The following SLC23A2 variants were observed in gnomAD, a reference collection of about 807,000 sequenced individuals.
SLC23A2 encodes the protein Na(+)/L-ascorbic acid transporter 2.
In SLC23A2, 36 loss-of-function variants were observed where a neutral mutation model predicts 73.3. The observed-to-expected ratio is 0.49, with a 90% CI of 0.38 to 0.65. The LOEUF is 0.65. Ranked by LOEUF, SLC23A2 falls within the 30% of genes least tolerant of loss-of-function variation. SLC23A2 has a pLI of 0.00. For missense variants in SLC23A2, 507 were observed against 841.6 expected, an observed-to-expected ratio of 0.60 and a Z score of 4.92; for synonymous variants, 343 against 327.3, an observed-to-expected ratio of 1.05 and a Z score of -0.52.
chr20:4,938,307 TG>T (rs1450924006), intron 2 of SLC23A2, among the ~76,000 whole-genome samples: 1 of 150,578 alleles, frequency 6.6e-6, no homozygotes, highest in Non-Finnish European at 1.5e-5. Context: ...CATGAGCCAC[TG>T]CACCTGTAAT....
At chr20:4,937,455 C>T (rs2086977625) in intron 2 of SLC23A2, among the ~76,000 whole-genome samples, 1 of 152,136 alleles carries the variant, frequency 6.6e-6, no homozygotes, top group African/African-American at 2.4e-5. Flanking sequence ...ATGATGGCGA[C>T]AATGGCAGTA....
At chr20:4,931,068 G>GAAAAA (rs758041566) in intron 3 of SLC23A2, among the ~76,000 whole-genome samples, 13 of 75,058 alleles carry the variant, frequency 1.7e-4, no homozygotes, top group Non-Finnish European at 2.3e-4. Context: ...ATTTTTTTAA[G>GAAAAA]AAAAAAAAAA....
chr20:4,962,639 A>C (rs2122189040), intron 2 of SLC23A2, among the ~76,000 whole-genome samples: 1 of 152,360 alleles, frequency 6.6e-6, no homozygotes, highest in African/African-American at 2.4e-5. Context: ...TGATGCTAGA[A>C]GACACAGTGG....
chr20:4,877,639 G>A (rs1440788976), intron 9 of SLC23A2, among the ~76,000 whole-genome samples: 1 of 152,096 alleles, frequency 6.6e-6, no homozygotes, highest in African/African-American at 2.4e-5. Flanking sequence ...CTTAATTACT[G>A]TTAAATTTCA....
At chr20:4,879,408 C>CAAAAAAAAAA (rs111565515) in intron 9 of SLC23A2, among the ~76,000 whole-genome samples, 2 of 43,006 alleles carry the variant, frequency 4.7e-5, no homozygotes, top group South Asian at 1.0e-3. Flanking sequence ...AACTCTGTCT[C>CAAAAAAAAAA]AAAAAAAAAA....
At chr20:5,006,959 G>T (rs937071027) in intron 1 of SLC23A2, among the ~76,000 whole-genome samples, 2 of 146,664 alleles carry the variant, frequency 1.4e-5, no homozygotes, top group Non-Finnish European at 2.9e-5. Flanking sequence ...GTGTGTGTGT[G>T]TGTGTGTGTG....
chr20:4,924,146 C>A (rs574656351), intron 3 of SLC23A2, among the ~76,000 whole-genome samples: 1 of 152,140 alleles, frequency 6.6e-6, no homozygotes, highest in Admixed American at 6.5e-5. Context: ...GCTAGGCACA[C>A]CCATCAGGAC....
intron 10 of SLC23A2, 21 bp downstream of exon 10, chr20:4,874,555 G>C (rs375241185): frequency 1.3e-6 from 2 of 1,578,264 alleles, no homozygotes; most frequent in Non-Finnish European, 1.7e-6. Context: ...ATGTCAGCAG[G>C]GGAAGAAGTC....
chr20:4,980,700 T>G (rs2087713400), intron 1 of SLC23A2, among the ~76,000 whole-genome samples: 1 of 151,962 alleles, frequency 6.6e-6, no homozygotes, highest in Non-Finnish European at 1.5e-5. Flanking sequence ...CCGGCTAATT[T>G]TTTGTTTTTA....
Position 4,947,880 on chromosome 20 carries a change from T to G in SLC23A2, c.-154-15164A>C, listed in dbSNP as rs2087141596. Among the ~76,000 whole-genome samples, 1 of 152,202 alleles carries G rather than the reference T, an allele frequency of 6.6e-6. No homozygotes were observed. Among genetic ancestry groups the G allele is most frequent in the African/African-American group, 2.4e-5 (1 of 41,462 alleles). ...TACTTTCAGGGAATAGAAAGAATGC[T>G]TTCTTCTCTTCCAGGTCTCCAGATG... On this transcript the variant is annotated intron_variant, in intron 2 of 16. Coordinates refer to ENST00000338244, the MANE Select transcript of SLC23A2 (RefSeq NM_005116.6). The surrounding 1 kb of genome is among the most constrained non-coding windows in gnomAD (Gnocchi z 4.4).
intron 12 of SLC23A2, 95 bp downstream of exon 12, chr20:4,869,811 G>C (rs1054642669): frequency 1.3e-4 from 153 of 1,184,980 alleles, no homozygotes; most frequent in Middle Eastern, 4.6e-4. Context: ...GGCTCCTGCT[G>C]AAACTCTTGG....
rs6052965 is a variant in SLC23A2 at position 4,919,242 on chromosome 20, G to C, written c.109-6264C>G. ...AGCGACCTTGAATCTGGCTGATGCC[G>C]CAAAGCCTCTAATTTTGCTTTCACT... On this transcript the variant is annotated intron_variant, in intron 3 of 16. Coordinates refer to ENST00000338244, the MANE Select transcript of SLC23A2 (RefSeq NM_005116.6). Among the ~76,000 whole-genome samples, 623 of 152,286 alleles carry C rather than the reference G, an allele frequency of 4.1e-3. 7 individuals are homozygous for C. Among genetic ancestry groups the C allele is most frequent in the African/African-American group, 0.014 (599 of 41,554 alleles).
intron 1 of SLC23A2, among the ~76,000 whole-genome samples, chr20:4,988,781 A>C (rs1311809366): frequency 6.6e-6 from 1 of 151,418 alleles, no homozygotes; most frequent in African/African-American, 2.4e-5. Flanking sequence ...CCAGGTGTTC[A>C]GGCACCTGTA....
chr20:4,939,368 G>A (rs555814411), intron 2 of SLC23A2, among the ~76,000 whole-genome samples: 5 of 152,236 alleles, frequency 3.3e-5, no homozygotes, highest in African/African-American at 9.6e-5. Flanking sequence ...GGAACAAGTC[G>A]GGGGTGTCAA....
intron 15 of SLC23A2, among the ~76,000 whole-genome samples, chr20:4,860,662 G>T (rs1733540858): frequency 6.6e-6 from 1 of 152,180 alleles, no homozygotes; most frequent in African/African-American, 2.4e-5. Context: ...TAGCCAAAGG[G>T]CGGAAACAAC....
intron 13 of SLC23A2, among the ~76,000 whole-genome samples, chr20:4,865,615 G>A (rs1930162484): frequency 6.6e-6 from 1 of 152,082 alleles, no homozygotes; most frequent in South Asian, 2.1e-4. Flanking sequence ...AGAAGGAGGA[G>A]GCTTGTTACA....
intron 2 of SLC23A2, among the ~76,000 whole-genome samples, chr20:4,936,216 C>T (rs944335092): frequency 1.3e-5 from 2 of 152,144 alleles, no homozygotes; most frequent in African/African-American, 4.8e-5. Flanking sequence ...AATAAACATA[C>T]CTAAAAATAA....
At chr20:4,880,767 G>A (rs542939440) in intron 9 of SLC23A2, among the ~76,000 whole-genome samples, 2 of 151,982 alleles carry the variant, frequency 1.3e-5, no homozygotes, top group Non-Finnish European at 2.9e-5. Flanking sequence ...GGGGCTCCAG[G>A]TATCCAGGCC....
chr20:4,877,679 A>G (rs1930712609), intron 9 of SLC23A2, among the ~76,000 whole-genome samples: 1 of 152,146 alleles, frequency 6.6e-6, no homozygotes, highest in South Asian at 2.1e-4. Flanking sequence ...AATTGGAGGG[A>G]GCTGAAAAAC....
Sources: allele counts gnomAD v4.1 joint callset (sites outside exome capture counted in the v4.1 genomes callset), GRCh38; gene constraint gnomAD v4.1.1; non-coding constraint Gnocchi (gnomAD v3.1); transcripts MANE v1.5; gene names NCBI Gene and HGNC (gene_info 2026-07-23, HGNC 2026-07-21).